IZUMO4: variants seen among roughly 807,000 people sequenced by gnomAD.
IZUMO4 encodes the protein IZUMO family member 4.
In IZUMO4, 51 loss-of-function variants were observed where a neutral mutation model predicts 37.1. The ratio of observed to expected loss-of-function variants is 1.38; its 90% CI spans 1.10 to 1.74. The LOEUF is 1.74. Ranked by LOEUF, IZUMO4 falls within the 40% of genes most tolerant of loss-of-function variation. IZUMO4 has a pLI of 0.00. For synonymous variants in IZUMO4, 162 were observed against 121.4 expected (o/e 1.33, Z -2.20); for missense variants, 364 against 299.6 (o/e 1.21, Z -1.59).
At chr19:2,098,024 G>A (rs762538410) in intron 4 of IZUMO4, 28 bp from the exon 5 acceptor site, 15 of 1,613,072 alleles carry the variant, frequency 9.3e-6, no homozygotes, top group African/African-American at 1.3e-5. Context: ...GCTGAGGGGA[G>A]CCCTGGCGGC....
rs374557272 is a variant in IZUMO4, at chr19:2,099,000, G to A, written c.579G>A (p.Trp193Ter). ...SMRPRSSAFS[W>*]PGTHRATPAF... is the part of the protein sequence containing the mutation. ...GACCACGCTCCTCTGCCTTCTCCTG[G>A]CCTGGGACACACAGAGCCACCCCGG... is the stretch of plus-strand genomic sequence containing the variant. The change falls in exon 9 of 10, where the codon TGG becomes TGA. Residue 193 changes from tryptophan (W) to a stop codon, truncating the protein, a stop_gained. Coordinates refer to ENST00000395301, the MANE Select transcript of IZUMO4 (RefSeq NM_001039846.2). LOFTEE classifies it low-confidence loss of function (END_TRUNC). 2.5e-5 allele frequency: 41 copies of A among 1,613,066 alleles called. No homozygotes were observed. Among genetic ancestry groups the A allele is most frequent in the Non-Finnish European group, 3.1e-5 (37 of 1,179,986 alleles).
intron 7 of IZUMO4, 160 bp from the exon 8 acceptor site, chr19:2,098,627 A>G (rs921363433): frequency 1.2e-5 from 19 of 1,566,254 alleles, no homozygotes; most frequent in African/African-American, 4.1e-5. Context: ...TCTCCCTCAA[A>G]GGTCTCCGAC....
At position 2,097,539 on chromosome 19, in the gene IZUMO4, C is replaced by T. The variant is rs1479594211; in HGVS notation, c.370+44C>T. 3 of 1,535,814 alleles carry T rather than the reference C, an allele frequency of 2.0e-6. No individual in the cohort carries two copies. In the East Asian group the frequency reaches 6.7e-5, roughly 35 times the overall value. ...AGAGGAGGGAGGTGTTGCCCAGAGC[C>T]TCGGAGACCCACGGGGCTTGGCTGA... On this transcript the variant is annotated intron_variant, in intron 3 of 9. Transcript: ENST00000395301.
In IZUMO4 at chr19:2,099,370, A is replaced by G. The variant is rs1330113419; in HGVS notation, c.*25A>G. 1 of 1,543,504 alleles carries G rather than the reference A, an allele frequency of 6.5e-7. No homozygotes were observed. The highest frequency in any genetic ancestry group is 1.1e-5 in the South Asian group (1 of 87,232). On this transcript the variant is annotated 3_prime_UTR_variant, in exon 10 of 10. Coordinates refer to ENST00000395301, the MANE Select transcript of IZUMO4 (RefSeq NM_001039846.2). ...ACAGCAGCTGGGCCTGCCCCAGGGC[A>G]ACGTGGGGGCGGAGACTCAGCTGGA... is the stretch of plus-strand genomic sequence containing the variant.
rs748942151 is a variant in IZUMO4 at position 2,097,506 on chromosome 19, A to C, written c.370+11A>C. On this transcript the variant is annotated intron_variant, in intron 3 of 9. Coordinates refer to ENST00000395301, the MANE Select transcript of IZUMO4 (RefSeq NM_001039846.2). ...ACGCCATCATCGAAAGTGAGCAAAT[A>C]AGGCTTCAGAGGAGGGAGGTGTTGC... 1.2e-6 allele frequency: 2 copies of C among 1,609,050 alleles called. No homozygotes were observed. Among genetic ancestry groups the C allele is most frequent in the East Asian group, 2.2e-5 (1 of 44,856 alleles).
intron 8 of IZUMO4, 38 bp downstream of exon 8, chr19:2,098,842 TAAAGGG>T (rs747396156): frequency 6.7e-5 from 98 of 1,459,358 alleles, no homozygotes; most frequent in Non-Finnish European, 8.4e-5. Flanking sequence ...GGGGAGGGGG[TAAAGGG>T]AGAGAGGAGG....
At chr19:2,098,836 A>AG (rs60844806) in intron 8 of IZUMO4, 32 bp downstream of exon 8, 9 of 1,354,504 alleles carry the variant, frequency 6.6e-6, no homozygotes, top group South Asian at 4.9e-5. Flanking sequence ...CTTCAGGGGG[A>AG]GGGGGTAAAG....
At position 2,099,368 on chromosome 19, in the gene IZUMO4, G is replaced by A. The variant is rs768928953; in HGVS notation, c.*23G>A. The A allele has an allele frequency of 4.5e-6, 7 of 1,550,950 alleles. No individual in the cohort carries two copies. The highest frequency in any genetic ancestry group is 1.7e-4 in the Middle Eastern group (1 of 5,922). On this transcript the variant is annotated 3_prime_UTR_variant, in exon 10 of 10. Coordinates refer to ENST00000395301, the MANE Select transcript of IZUMO4 (RefSeq NM_001039846.2). ...TGACAGCAGCTGGGCCTGCCCCAGG[G>A]CAACGTGGGGGCGGAGACTCAGCTG...
intron 5 of IZUMO4, 45 bp downstream of exon 5, chr19:2,098,172 C>A: frequency 6.2e-7 from 1 of 1,611,150 alleles, no homozygotes; most frequent in Non-Finnish European, 8.5e-7. Context: ...GCCCTACTGT[C>A]CCTGGGGTCC....
rs906425668 is a variant in IZUMO4 at position 2,098,655 on chromosome 19, C to T, written c.537-132C>T. On this transcript the variant is annotated intron_variant, in intron 7 of 9. Coordinates refer to ENST00000395301, the MANE Select transcript of IZUMO4 (RefSeq NM_001039846.2). The stretch of plus-strand genomic sequence containing the variant: ...TCTCCGACCCTCAGCTGGAGGCGGG[C>T]ATCTTTCCTAAAGGGTCCCCATAGG... The T allele has an allele frequency of 2.0e-5, 31 of 1,556,716 alleles. No homozygotes were observed. The Admixed American group carries it at 5.9e-4, about 29-fold the overall frequency.
intron 8 of IZUMO4, 73 bp downstream of exon 8, chr19:2,098,877 A>C: frequency 6.4e-7 from 1 of 1,570,406 alleles, no homozygotes; most frequent in Non-Finnish European, 8.7e-7. Context: ...GGGGTCCTCT[A>C]GATCAGTGGG....
rs187614637 is a variant in IZUMO4, at chr19:2,099,555, G to A, written c.*210G>A. On this transcript the variant is annotated 3_prime_UTR_variant, in exon 10 of 10. Coordinates refer to ENST00000395301, the MANE Select transcript of IZUMO4 (RefSeq NM_001039846.2). The stretch of plus-strand genomic sequence containing the variant: ...CGCCTGGGCAGGTCCGCAGAGCTGC[G>A]GGATGTGATTAAAGTCCCTGATGTT... The A allele has an allele frequency of 1.0e-3, 601 of 583,106 alleles. 5 individuals carry two copies. In the Admixed American group the frequency reaches 0.015, roughly 15 times the overall value. The allele number at this position is 583,106 out of a possible 1,614,324, so 36.1% of individuals were successfully genotyped here.
Position 2,099,414 on chromosome 19 carries a change from C to T in IZUMO4, c.*69C>T, listed in dbSNP as rs773393378. 9.6e-7 allele frequency: 1 copy of T among 1,046,132 alleles called. No homozygotes were observed. Among genetic ancestry groups the T allele is most frequent in the Non-Finnish European group, 1.4e-6 (1 of 727,474 alleles). The allele number at this position is 1,046,132 out of a possible 1,614,324, so 64.8% of individuals were successfully genotyped here. A position where few individuals can be genotyped will look rare whatever the true frequency, so the allele number is the denominator to read the frequency against. The stretch of plus-strand genomic sequence containing the variant: ...AGCTGGACAGCCCCTGCCTGTCACT[C>T]TGGAGCTGGGCTGCTGCTGCCTCAG... On this transcript the variant is annotated 3_prime_UTR_variant, in exon 10 of 10. Coordinates refer to ENST00000395301, the MANE Select transcript of IZUMO4 (RefSeq NM_001039846.2).
intron 9 of IZUMO4, 89 bp from the exon 10 acceptor site, chr19:2,099,166 C>A: frequency 7.1e-7 from 1 of 1,400,188 alleles, no homozygotes; most frequent in Non-Finnish European, 1.0e-6. Context: ...GACCACACGT[C>A]CCAGCTGGGA....
rs78501750 is a variant in IZUMO4, at chr19:2,099,466, C to A, written c.*121C>A. On this transcript the variant is annotated 3_prime_UTR_variant, in exon 10 of 10. Transcript: ENST00000395301. ...ACCCCCTCTCCGACCCCGGACAGAGCTGAGCTGGCCAGGGCCAGGAGGGCG... is the reference window on the plus strand; with the variant it reads ...ACCCCCTCTCCGACCCCGGACAGAGATGAGCTGGCCAGGGCCAGGAGGGCG... The A allele has an allele frequency of 7.0e-6, 3 of 427,628 alleles. No homozygotes were observed. The highest frequency in any genetic ancestry group is 1.4e-5 in the Non-Finnish European group (3 of 219,258). The allele number at this position is 427,628 out of a possible 1,614,324, so 26.5% of individuals were successfully genotyped here. A position where few individuals can be genotyped will look rare whatever the true frequency, so the allele number is the denominator to read the frequency against.
At chr19:2,097,597 CA>C (rs1644769639) in intron 3 of IZUMO4, 102 bp downstream of exon 3, 13 of 1,066,718 alleles carry the variant, frequency 1.2e-5, no homozygotes, top group Non-Finnish European at 1.7e-5. Flanking sequence ...CACCTGGCAC[CA>C]GGCAGCTGGG....
chr19:2,097,854 T>G, intron 3 of IZUMO4, 75 bp from the exon 4 acceptor site: 1 of 1,570,534 alleles, frequency 6.4e-7, no homozygotes, highest in Non-Finnish European at 8.7e-7. Flanking sequence ...CCCTGAGGCT[T>G]TGGAGGGTTG....
chr19:2,098,887 G>C (rs181911352), intron 8 of IZUMO4, 83 bp downstream of exon 8: 1 of 1,572,556 alleles, frequency 6.4e-7, no homozygotes, highest in South Asian at 1.1e-5. Context: ...AGATCAGTGG[G>C]GGCACTGCAG....
At position 2,098,629 on chromosome 19, in the gene IZUMO4, G is replaced by T. The variant is rs1045860537; in HGVS notation, c.537-158G>T. 1.1e-5 allele frequency: 17 copies of T among 1,562,462 alleles called. No individual in the cohort carries two copies. The African/African-American group carries it at 2.0e-4, about 19-fold the overall frequency. Reference sequence around the variant, plus strand: ...GCTGCAGTCCTTTTCTCCCTCAAAGGTCTCCGACCCTCAGCTGGAGGCGGG... The same window carrying T: ...GCTGCAGTCCTTTTCTCCCTCAAAGTTCTCCGACCCTCAGCTGGAGGCGGG... On this transcript the variant is annotated intron_variant, in intron 7 of 9. Coordinates refer to ENST00000395301, the MANE Select transcript of IZUMO4 (RefSeq NM_001039846.2).
Sources: allele counts gnomAD v4.1 joint callset, GRCh38; gene constraint gnomAD v4.1.1; transcripts MANE v1.5; gene names NCBI Gene and HGNC (gene_info 2026-07-23, HGNC 2026-07-21).